Variants in BABAM2 observed in about 807,000 individuals in gnomAD.
The protein encoded by BABAM2 is BRISC and BRCA1 A complex member 2.
A neutral mutation model predicts 54.7 loss-of-function variants in BABAM2; 31 were observed. The ratio of observed to expected loss-of-function variants is 0.57; its 90% CI spans 0.43 to 0.77. BABAM2 has a LOEUF of 0.77. Among genes scored for constraint, BABAM2 ranks in the 30% least tolerant of loss-of-function variants. BABAM2 has a pLI of 0.00. For missense variants in BABAM2, 364 were observed against 455.8 expected, an observed-to-expected ratio of 0.80 and a Z score of 1.83; for synonymous variants, 167 against 162.9, an observed-to-expected ratio of 1.03 and a Z score of -0.19.
In BABAM2 at chr2:28,311,403, A is replaced by G. The variant is rs1399635831; in HGVS notation, c.1088+12912A>G. On this transcript the variant is annotated intron_variant, in intron 11 of 11. Coordinates refer to ENST00000379624, the MANE Select transcript of BABAM2 (RefSeq NM_199191.3). ...AGGGTCACGTATTCTCTTTCCTGGA[A>G]AAATAGACAGGTGTCCTATAGAGTT... 2.0e-5 allele frequency among the ~76,000 whole-genome samples: 3 copies of G among 152,218 alleles called. No homozygotes were observed. In the East Asian group the frequency reaches 5.8e-4, roughly 29 times the overall value.
chr2:28,044,463 G>A (rs1489319524), intron 5 of BABAM2, among the ~76,000 whole-genome samples: 2 of 152,168 alleles, frequency 1.3e-5, no homozygotes, highest in African/African-American at 2.4e-5. Flanking sequence ...TGTCCTGACC[G>A]TGGGTGATCT....
At chr2:27,948,237 G>A (rs1669440967) in intron 3 of BABAM2, among the ~76,000 whole-genome samples, 1 of 150,934 alleles carries the variant, frequency 6.6e-6, no homozygotes, top group African/African-American at 2.4e-5. Context: ...CTAAATTTCT[G>A]ATTGTTTATT....
intron 11 of BABAM2, among the ~76,000 whole-genome samples, chr2:28,301,167 G>A (rs1157042720): frequency 1.3e-5 from 2 of 152,140 alleles, no homozygotes; most frequent in Non-Finnish European, 2.9e-5. Flanking sequence ...ATTCACTTGG[G>A]GAGCTCTGCC....
intron 2 of BABAM2, among the ~76,000 whole-genome samples, chr2:27,902,991 T>C (rs1665917167): frequency 6.6e-6 from 1 of 152,172 alleles, no homozygotes; most frequent in African/African-American, 2.4e-5. Flanking sequence ...GTCACACATC[T>C]TTCTTTACGA....
chr2:28,040,457 C>T (rs1413835078), intron 5 of BABAM2, among the ~76,000 whole-genome samples: 2 of 151,028 alleles, frequency 1.3e-5, no homozygotes, highest in Non-Finnish European at 1.5e-5. Flanking sequence ...CCCGCCACTA[C>T]GCCCGGCTAA....
chr2:28,253,709 G>A (rs953257804), intron 10 of BABAM2, among the ~76,000 whole-genome samples: 4 of 152,160 alleles, frequency 2.6e-5, no homozygotes, highest in Admixed American at 6.5e-5. Flanking sequence ...AACCCTGTAA[G>A]CCCCAAGAAC....
intron 4 of BABAM2, among the ~76,000 whole-genome samples, chr2:28,012,547 A>G (rs1470937641): frequency 6.6e-6 from 1 of 152,334 alleles, no homozygotes; most frequent in East Asian, 1.9e-4. Context: ...TTTTGTATTT[A>G]AACGATATTA....
At chr2:28,236,077 A>G (rs527542095) in intron 7 of BABAM2, among the ~76,000 whole-genome samples, 1 of 152,290 alleles carries the variant, frequency 6.6e-6, no homozygotes, top group African/African-American at 2.4e-5. Flanking sequence ...ATAAATAATC[A>G]CAACATTAAG....
intron 3 of BABAM2, among the ~76,000 whole-genome samples, chr2:27,959,433 C>T (rs1162631294): frequency 6.6e-6 from 1 of 152,048 alleles, no homozygotes; most frequent in Non-Finnish European, 1.5e-5. Context: ...GTGATATATC[C>T]AATCTTTATG....
intron 2 of BABAM2, among the ~76,000 whole-genome samples, chr2:27,928,645 T>C (rs1667881565): frequency 6.6e-6 from 1 of 152,174 alleles, no homozygotes; most frequent in Non-Finnish European, 1.5e-5. Context: ...CTTTTATAGG[T>C]TCTTTTTTAG....
At chr2:28,320,645 A>G (rs1263682493) in intron 11 of BABAM2, among the ~76,000 whole-genome samples, 1 of 152,200 alleles carries the variant, frequency 6.6e-6, no homozygotes, top group East Asian at 1.9e-4. Context: ...TGGCAGCATC[A>G]CTCAGCGGGG....
At chr2:28,220,311 T>G in intron 7 of BABAM2, among the ~76,000 whole-genome samples, 1 of 152,182 alleles carries the variant, frequency 6.6e-6, no homozygotes, top group South Asian at 2.1e-4. Context: ...ATATCAACCT[T>G]ACAGGGCTTT....
intron 10 of BABAM2, among the ~76,000 whole-genome samples, chr2:28,260,907 G>A (rs1043268670): frequency 3.2e-4 from 48 of 148,902 alleles, no homozygotes; most frequent in African/African-American, 1.1e-3. Context: ...TTAAGCTATC[G>A]TGAATGAAGT....
At chr2:28,248,436 C>T (rs1322565571) in intron 10 of BABAM2, among the ~76,000 whole-genome samples, 1 of 151,768 alleles carries the variant, frequency 6.6e-6, no homozygotes, top group Non-Finnish European at 1.5e-5. Context: ...CTCAAACTCC[C>T]GACCTCAGGT....
At chr2:28,092,061 T>C (rs1181121771) in intron 6 of BABAM2, among the ~76,000 whole-genome samples, 1 of 152,108 alleles carries the variant, frequency 6.6e-6, no homozygotes, top group Non-Finnish European at 1.5e-5. Flanking sequence ...ACCTCGTGAA[T>C]GAGCACATAG....
rs564158226 is a variant in BABAM2 at position 28,129,254 on chromosome 2, T to G, written c.571-17T>G. On this transcript the variant is annotated splice_polypyrimidine_tract_variant and intron_variant, in intron 6 of 11. Coordinates refer to ENST00000379624, the MANE Select transcript of BABAM2 (RefSeq NM_199191.3). ...GGAGAACAGGTGCTGATGTTGTGTT[T>G]TCACTTCTTGTTTAAGGATGTAAAT... 2.5e-6 allele frequency: 4 copies of G among 1,598,578 alleles called. No individual in the cohort carries two copies. The highest frequency in any genetic ancestry group is 2.2e-5 in the South Asian group (2 of 90,740).
chr2:28,017,372 A>G (rs1674908648), intron 4 of BABAM2, among the ~76,000 whole-genome samples: 1 of 152,180 alleles, frequency 6.6e-6, no homozygotes, highest in African/African-American at 2.4e-5. Flanking sequence ...TGATTTCCTA[A>G]GACTTCCCAT....
Position 28,122,723 on chromosome 2 carries a change from A to G in BABAM2, c.571-6548A>G, listed in dbSNP as rs564411522. Among the ~76,000 whole-genome samples, 5 of 152,322 alleles carry G rather than the reference A, an allele frequency of 3.3e-5. No individual in the cohort carries two copies. The South Asian group carries it at 8.3e-4, about 25-fold the overall frequency. ...TTTACTTGGGATAATTAGCATATCA[A>G]AGGAGTAGAGCATAATGATAAATTG... On this transcript the variant is annotated intron_variant, in intron 6 of 11. Transcript: ENST00000379624.
intron 6 of BABAM2, among the ~76,000 whole-genome samples, chr2:28,087,427 G>A (rs1002663813): frequency 2.0e-5 from 3 of 152,076 alleles, no homozygotes; most frequent in African/African-American, 4.8e-5. Flanking sequence ...GTCAGCACTT[G>A]CTTACCTGAG....
Sources: allele counts gnomAD v4.1 joint callset (sites outside exome capture counted in the v4.1 genomes callset), GRCh38; gene constraint gnomAD v4.1.1; transcripts MANE v1.5; gene names NCBI Gene and HGNC (gene_info 2026-07-23, HGNC 2026-07-21).